The following HHAT variants were observed in gnomAD, a reference collection of about 807,000 sequenced individuals.
HHAT encodes hedgehog acyltransferase.
In HHAT, 47 loss-of-function variants were observed where a neutral mutation model predicts 70.8. The observed-to-expected ratio is 0.66, with a 90% CI of 0.53 to 0.85. The LOEUF is 0.85. Among genes scored for constraint, HHAT ranks in the 40% least tolerant of loss-of-function variants. The pLI is 0.00. For synonymous variants in HHAT, 228 were observed against 247.6 expected (o/e 0.92, Z 0.74); for missense variants, 609 against 604.8 (o/e 1.01, Z -0.07).
intron 2 of HHAT, among the ~76,000 whole-genome samples, chr1:210,350,657 C>G (rs2086936573): frequency 6.6e-6 from 1 of 152,156 alleles, no homozygotes; most frequent in Non-Finnish European, 1.5e-5. Context: ...GTTTTTCTGT[C>G]AGTTCTTTCA....
chr1:210,613,267 TTTGAG>T (rs982487197), intron 10 of HHAT, among the ~76,000 whole-genome samples: 11 of 152,274 alleles, frequency 7.2e-5, no homozygotes, highest in African/African-American at 2.6e-4. Context: ...CTTGAACCCT[TTTGAG>T]TTAATTTTTG....
At chr1:210,609,137 GA>G (rs1666102407) in intron 10 of HHAT, among the ~76,000 whole-genome samples, 1 of 151,028 alleles carries the variant, frequency 6.6e-6, no homozygotes, top group African/African-American at 2.4e-5. Flanking sequence ...TTTGTGTGGG[GA>G]CACAAAGCCT....
intron 7 of HHAT, among the ~76,000 whole-genome samples, chr1:210,452,211 G>C (rs951302933): frequency 6.6e-6 from 1 of 151,908 alleles, no homozygotes; most frequent in Non-Finnish European, 1.5e-5. Context: ...CCCATAATTC[G>C]CCTCTCCATT....
chr1:210,594,402 G>C (rs550478522), intron 10 of HHAT, among the ~76,000 whole-genome samples: 60 of 152,204 alleles, frequency 3.9e-4, no homozygotes, highest in African/African-American at 1.4e-3. Flanking sequence ...AACACTAATT[G>C]CATAAACAAA....
intron 11 of HHAT, among the ~76,000 whole-genome samples, chr1:210,631,940 C>A (rs922603604): frequency 3.3e-5 from 5 of 152,150 alleles, no homozygotes; most frequent in African/African-American, 4.8e-5. Flanking sequence ...CGGAAAAAAG[C>A]AAATCCTGTT....
At chr1:210,636,812 G>A (rs1573912083) in intron 11 of HHAT, among the ~76,000 whole-genome samples, 1 of 152,120 alleles carries the variant, frequency 6.6e-6, no homozygotes. Flanking sequence ...TAAATAGGAA[G>A]TGTTAGGTAA....
At chr1:210,344,179 G>GT (rs2086293494) in intron 1 of HHAT, among the ~76,000 whole-genome samples, 1 of 151,734 alleles carries the variant, frequency 6.6e-6, no homozygotes, top group African/African-American at 2.4e-5. Context: ...GGGACAGCTA[G>GT]TTTCCCTGCT....
intron 9 of HHAT, among the ~76,000 whole-genome samples, chr1:210,552,570 C>T (rs61828132): frequency 0.18 from 27,124 of 152,220 alleles, 3,008 homozygotes; most frequent in Middle Eastern, 0.28. Flanking sequence ...AGAGGCATCA[C>T]CTAGTTGGCC....
intron 8 of HHAT, among the ~76,000 whole-genome samples, chr1:210,482,567 C>T (rs1335851089): frequency 6.6e-6 from 1 of 152,120 alleles, no homozygotes; most frequent in Non-Finnish European, 1.5e-5. Context: ...ACCGTGATCC[C>T]AGCCCTTGAA....
intron 10 of HHAT, among the ~76,000 whole-genome samples, chr1:210,612,125 T>C (rs1474725888): frequency 1.3e-5 from 2 of 152,170 alleles, no homozygotes; most frequent in African/African-American, 4.8e-5. Context: ...CACTCTTCCA[T>C]GTATCTATTG....
intron 3 of HHAT, among the ~76,000 whole-genome samples, chr1:210,376,189 A>T (rs545125926): frequency 2.0e-5 from 3 of 152,144 alleles, no homozygotes; most frequent in Admixed American, 2.0e-4. Context: ...TATGTAATCT[A>T]CTTTTGCTAT....
At chr1:210,544,697 A>C (rs2095467840) in intron 9 of HHAT, among the ~76,000 whole-genome samples, 1 of 152,118 alleles carries the variant, frequency 6.6e-6, no homozygotes, top group African/African-American at 2.4e-5. Context: ...GAGAAGATCT[A>C]CCAGCTATTC....
chr1:210,349,202 T>G (rs928960720), intron 2 of HHAT, 136 bp downstream of exon 2: 13 of 920,360 alleles, frequency 1.4e-5, no homozygotes, highest in Middle Eastern at 3.2e-4. Context: ...CCCCATGTCT[T>G]GGATAGTTTG....
chr1:210,527,320 CT>C (rs917429896), intron 9 of HHAT, among the ~76,000 whole-genome samples: 27 of 152,284 alleles, frequency 1.8e-4, no homozygotes, highest in African/African-American at 5.8e-4. Context: ...GGCTGATTGC[CT>C]GGGTTTGTGT....
At chr1:210,610,550 T>C (rs111560685) in intron 10 of HHAT, among the ~76,000 whole-genome samples, 13,911 of 152,268 alleles carry the variant, frequency 0.091, 1,563 homozygotes, top group African/African-American at 0.27. Flanking sequence ...TTTGCTTTCG[T>C]TGCAATTGCT....
chr1:210,574,687 G>A (rs1384853447), intron 9 of HHAT, among the ~76,000 whole-genome samples: 1 of 152,202 alleles, frequency 6.6e-6, no homozygotes, highest in Non-Finnish European at 1.5e-5. Flanking sequence ...AGGGCCATGG[G>A]CCATGGGCCC....
intron 9 of HHAT, among the ~76,000 whole-genome samples, chr1:210,561,784 G>A (rs1319172837): frequency 1.3e-5 from 2 of 152,012 alleles, no homozygotes; most frequent in Non-Finnish European, 2.9e-5. Flanking sequence ...ATTTTTTTGT[G>A]GTGAGAACAT....
intron 7 of HHAT, among the ~76,000 whole-genome samples, chr1:210,436,228 A>C (rs941177651): frequency 1.3e-5 from 2 of 151,524 alleles, no homozygotes; most frequent in African/African-American, 4.9e-5. Context: ...CCCTTTGCCT[A>C]TTGTATGTTC....
At chr1:210,329,174 G>A (rs957528448) in intron 1 of HHAT, 70 bp downstream of exon 1, 1 of 1,218,638 alleles carries the variant, frequency 8.2e-7, no homozygotes, top group Non-Finnish European at 1.0e-6. Flanking sequence ...AGTTTACTCT[G>A]TTAAAAAAAA....
Sources: gnomAD v4.1 joint callset for allele counts (sites outside exome capture counted in the v4.1 genomes callset) on GRCh38, gnomAD v4.1.1 for gene constraint, MANE v1.5 for transcripts, NCBI Gene and HGNC (gene_info 2026-07-23, HGNC 2026-07-21) for gene names.